TOP1: variants seen among roughly 807,000 people sequenced by gnomAD.
The protein encoded by TOP1 is DNA topoisomerase I.
A neutral mutation model predicts 111.1 loss-of-function variants in TOP1; 10 were observed. The observed-to-expected ratio is 0.09, with a 90% CI of 0.06 to 0.15. The LOEUF is 0.15. Ranked by LOEUF, TOP1 falls within the 10% of genes least tolerant of loss-of-function variation. The pLI is 1.00. For missense variants in TOP1, 474 were observed against 926.7 expected (o/e 0.51, Z 6.34); for synonymous variants, 271 against 302.9 (o/e 0.89, Z 1.10).
At position 41,061,509 on chromosome 20, in the gene TOP1, A is replaced by G. The variant is rs1356623060; in HGVS notation, c.155+19A>G. 6.4e-7 allele frequency: 1 copy of G among 1,565,914 alleles called. No individual in the cohort carries two copies. Among genetic ancestry groups the G allele is most frequent in the South Asian group, 1.2e-5 (1 of 86,648 alleles). ...GCAACAGGTAAGGGTGGAATCAAGCAAGTCCCTCATCATTCAGCAGTGGGT... is the reference window on the plus strand; with the variant it reads ...GCAACAGGTAAGGGTGGAATCAAGCGAGTCCCTCATCATTCAGCAGTGGGT... On this transcript the variant is annotated intron_variant, in intron 3 of 20. Transcript: ENST00000361337. This position sits in a 1 kb window ranked among gnomAD's most constrained non-coding sequence, Gnocchi z 4.6.
At chr20:41,072,355 T>A in intron 3 of TOP1, 2 of 985,438 alleles carry the variant, frequency 2.0e-6, no homozygotes, top group Non-Finnish European at 2.4e-6. Flanking sequence ...TTCCATCATT[T>A]CACTGTTAAT....
chr20:41,042,150 T>A (rs2033274694), intron 2 of TOP1, among the ~76,000 whole-genome samples: 1 of 152,202 alleles, frequency 6.6e-6, no homozygotes, highest in Non-Finnish European at 1.5e-5. Context: ...CCTCAAGTGA[T>A]CCGGCTGCCT....
intron 8 of TOP1, among the ~76,000 whole-genome samples, chr20:41,088,958 C>G (rs1237132524): frequency 1.3e-5 from 2 of 150,096 alleles, no homozygotes; most frequent in African/African-American, 2.4e-5. Flanking sequence ...CAGAACTCTA[C>G]ATCTTGCAAA....
chr20:41,059,094 C>T (rs766976740), intron 2 of TOP1, among the ~76,000 whole-genome samples: 2 of 152,036 alleles, frequency 1.3e-5, no homozygotes, highest in African/African-American at 4.8e-5. Context: ...TGCATGTTCT[C>T]ACTTATAAGT....
Position 41,092,409 on chromosome 20 carries a change from CA to C in TOP1, c.615-62del. The C allele has an allele frequency of 1.3e-6, 1 of 748,096 alleles. No homozygotes were observed. The highest frequency in any genetic ancestry group is 2.2e-6 in the Non-Finnish European group (1 of 456,918). The allele number at this position is 748,096 out of a possible 1,614,324, so 46.3% of individuals were successfully genotyped here. On this transcript the variant is annotated intron_variant, in intron 8 of 20. Coordinates refer to ENST00000361337, the MANE Select transcript of TOP1 (RefSeq NM_003286.4). The surrounding 1 kb of genome is among the most constrained non-coding windows in gnomAD (Gnocchi z 4.3). Reference sequence around the variant, plus strand: ...AGCGGATAATTATTTGGCATTTAATCAGTGATGATCCCCATGTTAGACAAGG... The same window carrying C: ...AGCGGATAATTATTTGGCATTTAATCGTGATGATCCCCATGTTAGACAAGG...
At position 41,124,356 on chromosome 20, in the gene TOP1, G is replaced by A. The variant is rs946208659; in HGVS notation, c.*1059G>A. ...TTTTGCTATAATCATTAGTTTTAGAGGCATTGTTAGTTTAGTGTGTGTGCA... is the reference window on the plus strand; with the variant it reads ...TTTTGCTATAATCATTAGTTTTAGAAGCATTGTTAGTTTAGTGTGTGTGCA... On this transcript the variant is annotated 3_prime_UTR_variant, in exon 21 of 21. Transcript: ENST00000361337. The surrounding 1 kb of genome is among the most constrained non-coding windows in gnomAD (Gnocchi z 5.4). The A allele has an allele frequency of 2.1e-4, 48 of 233,258 alleles. No individual in the cohort carries two copies. The highest frequency in any genetic ancestry group is 1.0e-3 in the African/African-American group (47 of 45,320). The allele number at this position is 233,258 out of a possible 1,614,324, so 14.4% of individuals were successfully genotyped here. A position where few individuals can be genotyped will look rare whatever the true frequency, so the allele number is the denominator to read the frequency against.
chr20:41,117,987 C>A (rs1227950541), intron 17 of TOP1, among the ~76,000 whole-genome samples, 182 bp from the exon 18 acceptor site: 1 of 152,176 alleles, frequency 6.6e-6, no homozygotes, highest in African/African-American at 2.4e-5. Context: ...TTCCTACTAT[C>A]ATTTTCTTAA....
chr20:41,098,365 A>G lies in TOP1; in HGVS notation c.975+28A>G. On this transcript the variant is annotated intron_variant, in intron 11 of 20. Transcript: ENST00000361337. This position sits in a 1 kb window ranked among gnomAD's most constrained non-coding sequence, Gnocchi z 5.7. ...ACTACAGAATTTATTAAACCTCTGG[A>G]GAATTCTGGAATTGTGATTGGTTCA... 1 of 1,603,054 alleles carries G rather than the reference A, an allele frequency of 6.2e-7. No individual in the cohort carries two copies. Among genetic ancestry groups the G allele is most frequent in the East Asian group, 2.2e-5 (1 of 44,778 alleles).
intron 2 of TOP1, among the ~76,000 whole-genome samples, chr20:41,036,815 A>G (rs1307603332): frequency 6.8e-6 from 1 of 146,682 alleles, no homozygotes; most frequent in African/African-American, 2.5e-5. Flanking sequence ...CCAATTGTAT[A>G]TCTAGTTCCT....
chr20:41,061,449 CAAG>C lies in TOP1; in HGVS notation c.118_120del (p.Lys40del). 2 of 1,612,920 alleles carry C rather than the reference CAAG, an allele frequency of 1.2e-6. No homozygotes were observed. The highest frequency in any genetic ancestry group is 1.7e-6 in the Non-Finnish European group (2 of 1,179,368). ...ATCGAGAACACCGGCACAAAGAACA[CAAG>C]AAGGAGAAGGACCGGGAAAAGTCCA... On this transcript the variant is annotated inframe_deletion, in exon 3 of 21. Transcript: ENST00000361337. The surrounding 1 kb of genome is among the most constrained non-coding windows in gnomAD (Gnocchi z 4.6).
Position 41,101,525 on chromosome 20 carries a change from A to AT in TOP1, c.1308+179dup, listed in dbSNP as rs1028524860. On this transcript the variant is annotated intron_variant, in intron 13 of 20. Transcript: ENST00000361337. The surrounding 1 kb of genome is among the most constrained non-coding windows in gnomAD (Gnocchi z 4.1). ...ATGGTGATCTTCCTACAGTGCCTCC[A>AT]TTTTTTTGGTCACATTGTAATCTTA... 1.3e-5 allele frequency among the ~76,000 whole-genome samples: 2 copies of AT among 152,176 alleles called. No homozygotes were observed. Among genetic ancestry groups the AT allele is most frequent in the African/African-American group, 4.8e-5 (2 of 41,448 alleles).
Position 41,114,211 on chromosome 20 carries a change from G to C in TOP1, c.1638+56G>C. On this transcript the variant is annotated intron_variant, in intron 15 of 20. Coordinates refer to ENST00000361337, the MANE Select transcript of TOP1 (RefSeq NM_003286.4). The surrounding 1 kb of genome is among the most constrained non-coding windows in gnomAD (Gnocchi z 4.5). ...GTTTTCCATTATTCAACAAGCATGG[G>C]TTGACTGCTTTTTTGTGTGCTTTGC... 6.7e-7 allele frequency: 1 copy of C among 1,490,064 alleles called. No individual in the cohort carries two copies. Among genetic ancestry groups the C allele is most frequent in the African/African-American group, 1.4e-5 (1 of 72,290 alleles). The allele number at this position is 1,490,064 out of a possible 1,614,324, so 92.3% of individuals were successfully genotyped here. A position where few individuals can be genotyped will look rare whatever the true frequency, so the allele number is the denominator to read the frequency against.
chr20:41,072,276 A>T (rs573097825), intron 3 of TOP1: 96 of 984,760 alleles, frequency 9.7e-5, no homozygotes, highest in Non-Finnish European at 1.1e-4. Flanking sequence ...TAGCAGGATC[A>T]GTATGAAGAT....
At chr20:41,051,184 A>G (rs768937798) in intron 2 of TOP1, among the ~76,000 whole-genome samples, 3 of 152,172 alleles carry the variant, frequency 2.0e-5, no homozygotes, top group African/African-American at 4.8e-5. Flanking sequence ...TTGTGTAACT[A>G]TGCCACACCT....
Position 41,028,922 on chromosome 20 carries a change from T to C in TOP1, c.-146T>C. ...CGCCGTGGTAGCAGCCTCAGCCGTT[T>C]CTGGAGTCTCGGGCCCACAGTCACC... On this transcript the variant is annotated 5_prime_UTR_variant, in exon 1 of 21. Coordinates refer to ENST00000361337, the MANE Select transcript of TOP1 (RefSeq NM_003286.4). 1.6e-6 allele frequency: 1 copy of C among 644,490 alleles called. No individual in the cohort carries two copies. Among genetic ancestry groups the C allele is most frequent in the Non-Finnish European group, 2.6e-6 (1 of 378,570 alleles). The allele number at this position is 644,490 out of a possible 1,614,324, so 39.9% of individuals were successfully genotyped here.
Position 41,049,889 on chromosome 20 carries a change from C to T in TOP1, c.59-11505C>T, listed in dbSNP as rs143919738. ...AAGTTGAGGTCCCTAACAGGGGAAT[C>T]CCATAGTTTCAATGATGAACAGGTC... On this transcript the variant is annotated intron_variant, in intron 2 of 20. Coordinates refer to ENST00000361337, the MANE Select transcript of TOP1 (RefSeq NM_003286.4). 8.0e-3 allele frequency among the ~76,000 whole-genome samples: 1,210 copies of T among 152,168 alleles called. 14 individuals carry two copies. The highest frequency in any genetic ancestry group is 0.028 in the African/African-American group (1,145 of 41,514).
rs1251882381 is a variant in TOP1, at chr20:41,098,179, T to G, written c.853-36T>G. On this transcript the variant is annotated intron_variant, in intron 10 of 20. Coordinates refer to ENST00000361337, the MANE Select transcript of TOP1 (RefSeq NM_003286.4). This position sits in a 1 kb window ranked among gnomAD's most constrained non-coding sequence, Gnocchi z 5.7. Reference sequence around the variant, plus strand: ...CAAGGACTTATTAGTGTATTTTCGTTGTTTTTCTTTCATCTCCCCATTTTC... The same window carrying G: ...CAAGGACTTATTAGTGTATTTTCGTGGTTTTTCTTTCATCTCCCCATTTTC... 1.2e-6 allele frequency: 2 copies of G among 1,610,896 alleles called. No individual in the cohort carries two copies. The highest frequency in any genetic ancestry group is 1.7e-6 in the Non-Finnish European group (2 of 1,177,244).
chr20:41,037,720 GT>G (rs1335966072), intron 2 of TOP1, among the ~76,000 whole-genome samples: 2 of 152,054 alleles, frequency 1.3e-5, no homozygotes, highest in African/African-American at 4.8e-5. Flanking sequence ...CCTTGAATTT[GT>G]TTTTTTGGAA....
At position 41,116,222 on chromosome 20, in the gene TOP1, C is replaced by G. The variant is rs2145968111; in HGVS notation, c.1708-56C>G. The G allele has an allele frequency of 8.5e-7, 1 of 1,170,812 alleles. No homozygotes were observed. Among genetic ancestry groups the G allele is most frequent in the East Asian group, 2.4e-5 (1 of 42,286 alleles). The allele number at this position is 1,170,812 out of a possible 1,614,324, so 72.5% of individuals were successfully genotyped here. Reference sequence around the variant, plus strand: ...CTGGCATAAATTACTCCTAGGGCTGCCAGAAGGAGCAGGTAGTATAGCTTT... The same window carrying G: ...CTGGCATAAATTACTCCTAGGGCTGGCAGAAGGAGCAGGTAGTATAGCTTT... On this transcript the variant is annotated intron_variant, in intron 16 of 20. Coordinates refer to ENST00000361337, the MANE Select transcript of TOP1 (RefSeq NM_003286.4). The surrounding 1 kb of genome is among the most constrained non-coding windows in gnomAD (Gnocchi z 5.6).
Sources: allele counts gnomAD v4.1 joint callset (sites outside exome capture counted in the v4.1 genomes callset), GRCh38; gene constraint gnomAD v4.1.1; non-coding constraint Gnocchi (gnomAD v3.1); transcripts MANE v1.5; gene names NCBI Gene and HGNC (gene_info 2026-07-23, HGNC 2026-07-21).